NRXN3: variants seen among roughly 807,000 people sequenced by gnomAD.
NRXN3 encodes the protein neurexin 3.
Under a neutral mutation model 137.6 loss-of-function variants are expected in NRXN3, and 32 were observed. That is an observed-to-expected ratio of 0.23 (90% CI 0.18 to 0.31). The LOEUF (loss-of-function observed/expected upper bound fraction) is 0.31. Ranked by LOEUF, NRXN3 falls within the 10% of genes least tolerant of loss-of-function variation. NRXN3 has a pLI of 1.00. For synonymous variants in NRXN3, 798 were observed against 784.5 expected, an observed-to-expected ratio of 1.02 and a Z score of -0.29; for missense variants, 1,574 against 2,062.5, an observed-to-expected ratio of 0.76 and a Z score of 4.59.
At chr14:78,892,836 C>G (rs1050989617) in intron 10 of NRXN3, among the ~76,000 whole-genome samples, 1 of 149,628 alleles carries the variant, frequency 6.7e-6, no homozygotes, top group Non-Finnish European at 1.5e-5. Flanking sequence ...AGGAGTCACA[C>G]GGCTGCTTTT....
chr14:78,435,091 G>T (rs1339243868), intron 4 of NRXN3, among the ~76,000 whole-genome samples: 1 of 152,204 alleles, frequency 6.6e-6, no homozygotes, highest in Non-Finnish European at 1.5e-5. Flanking sequence ...TTTGCAAAGA[G>T]ACTTGTGTGC....
chr14:78,459,197 G>C (rs2094845446), intron 4 of NRXN3, among the ~76,000 whole-genome samples: 1 of 152,222 alleles, frequency 6.6e-6, no homozygotes, highest in Non-Finnish European at 1.5e-5. Context: ...AATGGGAAAA[G>C]TATATGAACT....
At chr14:78,950,318 G>A (rs1424258816) in intron 10 of NRXN3, among the ~76,000 whole-genome samples, 1 of 152,150 alleles carries the variant, frequency 6.6e-6, no homozygotes, top group Admixed American at 6.5e-5. Flanking sequence ...GCTTGAGGTA[G>A]AGGTTTGGCA....
chr14:79,476,936 GTAA>G (rs1198789751), intron 16 of NRXN3, among the ~76,000 whole-genome samples: 1 of 152,104 alleles, frequency 6.6e-6, no homozygotes, highest in East Asian at 1.9e-4. Context: ...AAGCATAGTG[GTAA>G]TAATTTTAAC....
At chr14:79,551,082 C>T (rs1440309066) in intron 16 of NRXN3, among the ~76,000 whole-genome samples, 2 of 152,192 alleles carry the variant, frequency 1.3e-5, no homozygotes, top group African/African-American at 4.8e-5. Flanking sequence ...CATTCTGAGT[C>T]TTGCTTTCCA....
intron 16 of NRXN3, among the ~76,000 whole-genome samples, chr14:79,645,032 T>G (rs2098447288): frequency 7.4e-6 from 1 of 135,964 alleles, no homozygotes; most frequent in South Asian, 2.3e-4. Context: ...CATCATAGCA[T>G]GCACATTGGA....
intron 4 of NRXN3, among the ~76,000 whole-genome samples, chr14:78,450,797 T>A (rs1322864357): frequency 6.6e-6 from 1 of 152,170 alleles, no homozygotes; most frequent in African/African-American, 2.4e-5. Flanking sequence ...GAAGTGCAAT[T>A]GCCTGGAATT....
At chr14:79,286,610 C>A (rs1422442013) in intron 15 of NRXN3, among the ~76,000 whole-genome samples, 2 of 149,828 alleles carry the variant, frequency 1.3e-5, no homozygotes, top group Non-Finnish European at 3.0e-5. Flanking sequence ...AGCATTCCAT[C>A]TTTGGGGAAA....
At chr14:78,524,617 C>A (rs1245562536) in intron 4 of NRXN3, among the ~76,000 whole-genome samples, 1 of 152,082 alleles carries the variant, frequency 6.6e-6, no homozygotes, top group African/African-American at 2.4e-5. Context: ...ATAGAATGGC[C>A]TTTGGGGATC....
intron 19 of NRXN3, among the ~76,000 whole-genome samples, chr14:79,748,572 C>T (rs1457973613): frequency 6.6e-6 from 1 of 152,070 alleles, no homozygotes; most frequent in African/African-American, 2.4e-5. Flanking sequence ...GCCTCCTGCA[C>T]AGTGCTGAGT....
chr14:79,365,009 TCAAACAGG>T (rs2093827129), intron 15 of NRXN3, among the ~76,000 whole-genome samples: 1 of 152,212 alleles, frequency 6.6e-6, no homozygotes, highest in South Asian at 2.1e-4. Context: ...AAATAAAGTC[TCAAACAGG>T]CTTTATTTTA....
chr14:78,313,106 A>G (rs1303576273), intron 4 of NRXN3, among the ~76,000 whole-genome samples: 1 of 152,178 alleles, frequency 6.6e-6, no homozygotes, highest in Non-Finnish European at 1.5e-5. Context: ...ATTTGTGGAG[A>G]GTAATGACTT....
chr14:79,525,561 A>G (rs539988920), intron 16 of NRXN3, among the ~76,000 whole-genome samples: 12 of 152,292 alleles, frequency 7.9e-5, no homozygotes, highest in African/African-American at 2.4e-4. Context: ...TTCCCCACAA[A>G]TGAATCAGTC....
At chr14:79,716,853 T>G (rs537953012) in intron 19 of NRXN3, among the ~76,000 whole-genome samples, 1 of 152,330 alleles carries the variant, frequency 6.6e-6, no homozygotes, top group African/African-American at 2.4e-5. Context: ...TCATTCGTTA[T>G]CATTGTTGTA....
At chr14:79,812,664 C>G (rs2099238362) in intron 20 of NRXN3, among the ~76,000 whole-genome samples, 1 of 152,058 alleles carries the variant, frequency 6.6e-6, no homozygotes, top group African/African-American at 2.4e-5. Context: ...AAGCAACACT[C>G]TTTTGGAATT....
intron 15 of NRXN3, among the ~76,000 whole-genome samples, chr14:79,000,171 T>TCA (rs1346742766): frequency 2.0e-5 from 3 of 152,082 alleles, no homozygotes; most frequent in Non-Finnish European, 4.4e-5. Context: ...ATTAACTACA[T>TCA]GCTCTTTGAA....
chr14:79,542,284 C>CT (rs1166806913), intron 16 of NRXN3, among the ~76,000 whole-genome samples: 1 of 152,100 alleles, frequency 6.6e-6, no homozygotes, highest in Non-Finnish European at 1.5e-5. Flanking sequence ...TTTTGTTTTT[C>CT]TTTTTCAATA....
chr14:78,581,126 G>T (rs916238180), intron 4 of NRXN3, among the ~76,000 whole-genome samples: 7 of 152,186 alleles, frequency 4.6e-5, no homozygotes, highest in Non-Finnish European at 8.8e-5. Context: ...GGCTTAGAGA[G>T]CTACTTGACC....
At chr14:79,848,702 T>A (rs1373573937) in intron 20 of NRXN3, among the ~76,000 whole-genome samples, 3 of 152,134 alleles carry the variant, frequency 2.0e-5, no homozygotes, top group African/African-American at 7.2e-5. Flanking sequence ...TGACTTTATT[T>A]CTCCAGCCCT....
Sources: gnomAD v4.1 joint callset for allele counts (sites outside exome capture counted in the v4.1 genomes callset) on GRCh38, gnomAD v4.1.1 for gene constraint, MANE v1.5 for transcripts, NCBI Gene and HGNC (gene_info 2026-07-23, HGNC 2026-07-21) for gene names.